Variants in CNTN5 observed in about 807,000 individuals in gnomAD.
The protein encoded by CNTN5 is contactin 5.
A neutral mutation model predicts 129.1 loss-of-function variants in CNTN5; 77 were observed. The observed-to-expected ratio is 0.60, with a 90% confidence interval of 0.50 to 0.72. The LOEUF (loss-of-function observed/expected upper bound fraction) is 0.72. Among genes scored for constraint, CNTN5 ranks in the 30% least tolerant of loss-of-function variants. The probability of loss-of-function intolerance (pLI) is 0.00; values close to 1 mark genes in which losing one functional copy is unlikely to be tolerated. For missense variants in CNTN5, 1,478 were observed against 1,328.8 expected, an observed-to-expected ratio of 1.11 and a Z score of -1.75; for synonymous variants, 509 against 465.6, an observed-to-expected ratio of 1.09 and a Z score of -1.20.
chr11:99,697,755 C>A (rs1415093493), intron 3 of CNTN5, among the ~76,000 whole-genome samples: 1 of 151,436 alleles, frequency 6.6e-6, no homozygotes, highest in African/African-American at 2.4e-5. Context: ...ATACTAGAAA[C>A]CAAGTGTGGG....
chr11:99,950,470 G>T, intron 7 of CNTN5, among the ~76,000 whole-genome samples: 1 of 151,934 alleles, frequency 6.6e-6, no homozygotes. Flanking sequence ...GACAGAGCGA[G>T]ACTCCGTCTC....
At chr11:99,043,411 G>A (rs1301768807) in intron 1 of CNTN5, among the ~76,000 whole-genome samples, 2 of 151,240 alleles carry the variant, frequency 1.3e-5, no homozygotes, top group Non-Finnish European at 2.9e-5. Flanking sequence ...ATGTGCACAT[G>A]TACCCTAAAA....
intron 6 of CNTN5, among the ~76,000 whole-genome samples, chr11:99,894,530 C>CCAAAAAAAAAAAAAAAAAAA (rs1949152803): frequency 1.1e-5 from 1 of 93,852 alleles, no homozygotes; most frequent in Admixed American, 9.7e-5. Context: ...AAAAAAAAAA[C>CCAAAAAAAAAAAAAAAAAAA]CAAAAAACAA....
rs543812479 is a variant in CNTN5 at position 100,063,082 on chromosome 11, C to T, written c.1162+1689C>T. Among the ~76,000 whole-genome samples the T allele has an allele frequency of 4.6e-5, 7 of 152,146 alleles. No homozygotes were observed. The South Asian group carries it at 6.2e-4, about 14-fold the overall frequency. On this transcript the variant is annotated intron_variant, in intron 10 of 24. Coordinates refer to ENST00000524871, the MANE Select transcript of CNTN5 (RefSeq NM_014361.4). ...CTCTGAAGGCTATCAGAGGAAAGTACGAATTCTCTGTGTTCGAAGAATGGC... is the reference window on the plus strand; with the variant it reads ...CTCTGAAGGCTATCAGAGGAAAGTATGAATTCTCTGTGTTCGAAGAATGGC...
intron 6 of CNTN5, among the ~76,000 whole-genome samples, chr11:99,893,277 C>T (rs1367228762): frequency 6.6e-6 from 1 of 151,990 alleles, no homozygotes; most frequent in African/African-American, 2.4e-5. Flanking sequence ...CTTATAACAC[C>T]CTAAAAAAGC....
chr11:99,394,614 G>GT (rs548809382), intron 2 of CNTN5, among the ~76,000 whole-genome samples: 254 of 151,606 alleles, frequency 1.7e-3, no homozygotes, highest in Middle Eastern at 3.4e-3. Context: ...TTGTTATGGG[G>GT]TTTTTTGTAC....
intron 9 of CNTN5, among the ~76,000 whole-genome samples, chr11:100,030,456 T>G (rs1941649703): frequency 6.6e-6 from 1 of 152,116 alleles, no homozygotes; most frequent in South Asian, 2.1e-4. Flanking sequence ...GTCCCCTAAT[T>G]AGAATAGTAT....
chr11:99,968,148 C>T (rs982823667), intron 8 of CNTN5, among the ~76,000 whole-genome samples: 2 of 152,128 alleles, frequency 1.3e-5, no homozygotes, highest in African/African-American at 2.4e-5. Flanking sequence ...CTCACTACTT[C>T]CTAAGGCAAC....
chr11:100,050,066 G>A (rs1001879997), intron 9 of CNTN5, among the ~76,000 whole-genome samples: 3 of 152,142 alleles, frequency 2.0e-5, no homozygotes, highest in African/African-American at 7.2e-5. Context: ...AGTCAGTGTG[G>A]CGATTCCTCA....
chr11:100,004,394 C>T (rs1268501472), intron 9 of CNTN5, among the ~76,000 whole-genome samples: 1 of 152,104 alleles, frequency 6.6e-6, no homozygotes, highest in Admixed American at 6.6e-5. Flanking sequence ...CATCCTCTGG[C>T]CTCAATTTCA....
chr11:99,872,013 A>G (rs1948515128), intron 6 of CNTN5, among the ~76,000 whole-genome samples: 1 of 151,918 alleles, frequency 6.6e-6, no homozygotes, highest in Admixed American at 6.6e-5. Context: ...ATAAATGGAA[A>G]CAATGGTTAT....
At chr11:99,283,867 A>G (rs1015335439) in intron 1 of CNTN5, among the ~76,000 whole-genome samples, 1 of 152,194 alleles carries the variant, frequency 6.6e-6, no homozygotes, top group African/African-American at 2.4e-5. Flanking sequence ...ATCTTATAAA[A>G]GGGTTAACTG....
At chr11:99,898,466 C>T (rs1375160074) in intron 6 of CNTN5, among the ~76,000 whole-genome samples, 2 of 151,886 alleles carry the variant, frequency 1.3e-5, no homozygotes, top group East Asian at 1.9e-4. Context: ...AACCTGAAGA[C>T]GTAAGATAAA....
intron 2 of CNTN5, among the ~76,000 whole-genome samples, chr11:99,459,044 C>T (rs2135225239): frequency 6.6e-6 from 1 of 152,080 alleles, no homozygotes; most frequent in African/African-American, 2.4e-5. Flanking sequence ...TGGTAAACTA[C>T]TAAAATGTTT....
At position 100,033,221 on chromosome 11, in the gene CNTN5, G is replaced by A. The variant is rs145860438; in HGVS notation, c.981-27991G>A. On this transcript the variant is annotated intron_variant, in intron 9 of 24. Transcript: ENST00000524871. Reference sequence around the variant, plus strand: ...ACTATAAACGTCAAATTAGGGAGAAGCACGGGAAACTAATCAGCTTTTCTG... The same window carrying A: ...ACTATAAACGTCAAATTAGGGAGAAACACGGGAAACTAATCAGCTTTTCTG... 1.2e-3 allele frequency among the ~76,000 whole-genome samples: 178 copies of A among 152,270 alleles called. 1 individual carries two copies. Among genetic ancestry groups the A allele is most frequent in the African/African-American group, 4.2e-3 (173 of 41,544 alleles).
intron 2 of CNTN5, among the ~76,000 whole-genome samples, chr11:99,401,637 T>C (rs367849839): frequency 8.5e-5 from 13 of 152,146 alleles, no homozygotes; most frequent in African/African-American, 2.9e-4. Context: ...GGTGTTTTGG[T>C]AGGTACTGCA....
At chr11:99,212,441 T>TA (rs1859850857) in intron 1 of CNTN5, among the ~76,000 whole-genome samples, 2 of 152,194 alleles carry the variant, frequency 1.3e-5, no homozygotes, top group African/African-American at 4.8e-5. Context: ...CGATAATACC[T>TA]ACACTTTCCT....
intron 3 of CNTN5, among the ~76,000 whole-genome samples, chr11:99,622,471 A>G (rs1458552532): frequency 1.3e-5 from 2 of 152,172 alleles, no homozygotes; most frequent in Admixed American, 1.3e-4. Context: ...GTATTAGTCA[A>G]CAAAGTAGAA....
At chr11:99,304,535 G>C (rs955985891) in intron 1 of CNTN5, among the ~76,000 whole-genome samples, 2 of 152,144 alleles carry the variant, frequency 1.3e-5, no homozygotes, top group Non-Finnish European at 2.9e-5. Context: ...GAATCTAAGA[G>C]TTATTCTGGT....
Sources: gnomAD v4.1 joint callset for allele counts (sites outside exome capture counted in the v4.1 genomes callset) on GRCh38, gnomAD v4.1.1 for gene constraint, MANE v1.5 for transcripts, NCBI Gene and HGNC (gene_info 2026-07-23, HGNC 2026-07-21) for gene names.